Variants in MAST4 observed in about 807,000 individuals in gnomAD.
The protein encoded by MAST4 is microtubule-associated serine/threonine-protein kinase 4.
A neutral mutation model predicts 162.7 loss-of-function variants in MAST4; 89 were observed. The observed-to-expected ratio is 0.55, with a 90% CI of 0.46 to 0.65. The LOEUF is 0.65. Ranked by LOEUF, MAST4 falls within the 30% of genes least tolerant of loss-of-function variation. The pLI, the probability that MAST4 is intolerant of heterozygous loss-of-function variation, is 0.00. For missense variants in MAST4, 3,153 were observed against 3,374.0 expected, an observed-to-expected ratio of 0.93 and a Z score of 1.62; for synonymous variants, 1,479 against 1,361.1, an observed-to-expected ratio of 1.09 and a Z score of -1.91.
At chr5:66,835,647 C>T (rs1318298132) in intron 3 of MAST4, among the ~76,000 whole-genome samples, 2 of 152,182 alleles carry the variant, frequency 1.3e-5, no homozygotes, top group East Asian at 3.8e-4. Flanking sequence ...AATATGCATG[C>T]AACCACCAAT....
At chr5:66,751,886 G>T (rs1485921641) in intron 1 of MAST4, among the ~76,000 whole-genome samples, 1 of 149,304 alleles carries the variant, frequency 6.7e-6, no homozygotes, top group Non-Finnish European at 1.5e-5. Context: ...GTTAAGGGCA[G>T]CCAGAGAGAA....
At position 66,958,641 on chromosome 5, in the gene MAST4, T is replaced by C. The variant is rs911504725; in HGVS notation, c.674+58659T>C. ...CCCCCAAATTAATGCAGTTAGTTTATTCCTCGTTCTGATGATTGCCATATA... is the reference window on the plus strand; with the variant it reads ...CCCCCAAATTAATGCAGTTAGTTTACTCCTCGTTCTGATGATTGCCATATA... On this transcript the variant is annotated intron_variant, in intron 4 of 28. Transcript: ENST00000403625. Among the ~76,000 whole-genome samples, 6 of 152,348 alleles carry C rather than the reference T, an allele frequency of 3.9e-5. No individual in the cohort carries two copies. In the East Asian group the frequency reaches 1.2e-3, roughly 29 times the overall value.
intron 1 of MAST4, among the ~76,000 whole-genome samples, chr5:66,691,618 A>G (rs186074581): frequency 1.2e-4 from 19 of 152,202 alleles, no homozygotes; most frequent in African/African-American, 4.3e-4. Context: ...TCGTCTCGTT[A>G]GGGCCCATGT....
In MAST4 at chr5:67,160,593, G is replaced by A; in HGVS notation, c.3785+1G>A. 3 of 1,612,942 alleles carry A rather than the reference G, an allele frequency of 1.9e-6. No individual in the cohort carries two copies. The highest frequency in any genetic ancestry group is 2.5e-6 in the Non-Finnish European group (3 of 1,179,584). ...CCAAGAAGAAAGAAAGTCTCGAAAG[G>A]TTAGTAAAATCAGTATTCTTTTTAA... On this transcript the variant is annotated splice_donor_variant, in intron 27 of 28. Transcript: ENST00000403625. LOFTEE classifies it high-confidence loss of function.
intron 3 of MAST4, among the ~76,000 whole-genome samples, chr5:66,865,379 G>T (rs25844): frequency 0.3 from 45,542 of 152,016 alleles, 7,058 homozygotes; most frequent in East Asian, 0.53. Flanking sequence ...GGGCACCACT[G>T]GTTGCATGCA....
At position 67,165,535 on chromosome 5, in the gene MAST4, C is replaced by A; in HGVS notation, c.6356C>A (p.Pro2119His). ...PSLQKDGAKE[P>H]ERKEQPLQRH... is the part of the protein sequence containing the mutation. ...TTGCAGAAAGATGGTGCCAAGGAAC[C>A]TGAAAGGAAGGAGCAGCCTCTACAA... Residue 2119 changes from proline to histidine, a missense_variant, in exon 29 of 29, where the codon CCT (proline) becomes CAT (histidine). Coordinates refer to ENST00000403625, the MANE Select transcript of MAST4 (RefSeq NM_001164664.2). 6.2e-7 allele frequency: 1 copy of A among 1,613,994 alleles called. No individual in the cohort carries two copies. The highest frequency in any genetic ancestry group is 1.7e-4 in the Middle Eastern group (1 of 6,060).
intron 2 of MAST4, among the ~76,000 whole-genome samples, chr5:66,775,105 T>C (rs1204423548): frequency 1.3e-5 from 2 of 151,966 alleles, no homozygotes; most frequent in African/African-American, 2.4e-5. Context: ...TATGATATAC[T>C]GTACTCTTTG....
chr5:66,884,766 A>T (rs1761930727), intron 3 of MAST4, among the ~76,000 whole-genome samples: 2 of 152,200 alleles, frequency 1.3e-5, no homozygotes. Flanking sequence ...CTAGACTGCA[A>T]TTGCAAGGAA....
chr5:66,719,521 T>C (rs1751064328), intron 1 of MAST4, among the ~76,000 whole-genome samples: 1 of 152,220 alleles, frequency 6.6e-6, no homozygotes, highest in South Asian at 2.1e-4. Flanking sequence ...TTGTTCAGTG[T>C]TTTACAGATT....
intron 5 of MAST4, among the ~76,000 whole-genome samples, chr5:67,078,922 A>ATTT (rs1434438738): frequency 3.2e-4 from 24 of 74,260 alleles, no homozygotes; most frequent in African/African-American, 1.4e-3. Flanking sequence ...ATATATATAT[A>ATTT]TATATATATA....
rs1241676844 is a variant in MAST4 at position 67,166,397 on chromosome 5, A to C, written c.7218A>C (p.Pro2406=). The C allele has an allele frequency of 1.2e-6, 2 of 1,610,560 alleles. No individual in the cohort carries two copies. The highest frequency in any genetic ancestry group is 2.2e-5 in the East Asian group (1 of 44,792). Residue 2406 remains proline, a synonymous_variant, in exon 29 of 29, where the codon CCA becomes CCC. Transcript: ENST00000403625. ...SENRLKGAER[P]AAGVGKGFPE... ...ACCGGTTGAAAGGCGCGGAGCGGCC[A>C]GCCGCGGGGGTGGGGAAGGGCTTCC...
intron 1 of MAST4, among the ~76,000 whole-genome samples, chr5:66,739,843 CTTG>C (rs1276167948): frequency 8.3e-6 from 1 of 120,666 alleles, no homozygotes; most frequent in African/African-American, 2.9e-5. Flanking sequence ...TTCCATCACT[CTTG>C]TTTTTTTTTT....
rs563598311 is a variant in MAST4, at chr5:66,896,917, A to G, written c.643-3034A>G. On this transcript the variant is annotated intron_variant, in intron 3 of 28. Transcript: ENST00000403625. Reference sequence around the variant, plus strand: ...AGATCTCAAAAACAACAGGATTCTCAGACAAGATTAATTTTATTTAATCTT... The same window carrying G: ...AGATCTCAAAAACAACAGGATTCTCGGACAAGATTAATTTTATTTAATCTT... Among the ~76,000 whole-genome samples, 4 of 152,360 alleles carry G rather than the reference A, an allele frequency of 2.6e-5. No homozygotes were observed. The South Asian group carries it at 8.3e-4, about 32-fold the overall frequency.
At chr5:67,094,872 A>G (rs1764262258) in intron 6 of MAST4, among the ~76,000 whole-genome samples, 1 of 151,260 alleles carries the variant, frequency 6.6e-6, no homozygotes, top group Non-Finnish European at 1.5e-5. Context: ...AAACAACTTT[A>G]CTCTTTGCAT....
At chr5:67,063,715 C>T (rs1474305952) in intron 5 of MAST4, among the ~76,000 whole-genome samples, 2 of 152,062 alleles carry the variant, frequency 1.3e-5, no homozygotes, top group East Asian at 3.9e-4. Context: ...TTTTCAATCA[C>T]AATTTTGCAG....
At chr5:66,873,313 A>G (rs1308556169) in intron 3 of MAST4, among the ~76,000 whole-genome samples, 1 of 152,206 alleles carries the variant, frequency 6.6e-6, no homozygotes, top group Non-Finnish European at 1.5e-5. Flanking sequence ...GTAAATGGCA[A>G]ATGGAAATGT....
At chr5:66,825,445 C>G (rs1757203760) in intron 3 of MAST4, among the ~76,000 whole-genome samples, 1 of 152,120 alleles carries the variant, frequency 6.6e-6, no homozygotes, top group African/African-American at 2.4e-5. Context: ...CAGTATGTAG[C>G]ACATGACTGC....
At chr5:67,019,579 T>C (rs1753723296) in intron 4 of MAST4, among the ~76,000 whole-genome samples, 1 of 152,246 alleles carries the variant, frequency 6.6e-6, no homozygotes, top group African/African-American at 2.4e-5. Flanking sequence ...AATGAATCCA[T>C]CTGCTCCACA....
At chr5:66,854,161 A>AT (rs1270202268) in intron 3 of MAST4, among the ~76,000 whole-genome samples, 1 of 152,128 alleles carries the variant, frequency 6.6e-6, no homozygotes, top group Non-Finnish European at 1.5e-5. Flanking sequence ...GGCTGGTGTC[A>AT]TTTTTAAAAG....
Sources: allele counts gnomAD v4.1 joint callset (sites outside exome capture counted in the v4.1 genomes callset), GRCh38; gene constraint gnomAD v4.1.1; transcripts MANE v1.5; gene names NCBI Gene and HGNC (gene_info 2026-07-23, HGNC 2026-07-21).